The following DIAPH2 variants were observed in gnomAD, a reference collection of about 807,000 sequenced individuals.
DIAPH2 encodes the protein diaphanous related formin 2, also known as protein diaphanous homolog 2.
Under a neutral mutation model 92.7 loss-of-function variants are expected in DIAPH2, and 35 were observed. That is an observed-to-expected ratio of 0.38 (90% CI 0.29 to 0.50). DIAPH2 has a LOEUF of 0.50. Among genes scored for constraint, DIAPH2 ranks in the 20% least tolerant of loss-of-function variants. The probability of loss-of-function intolerance (pLI) is 0.94; values close to 1 mark genes in which losing one functional copy is unlikely to be tolerated. For synonymous variants in DIAPH2, 301 were observed against 280.4 expected, an observed-to-expected ratio of 1.07 and a Z score of -0.73; for missense variants, 701 against 819.5, an observed-to-expected ratio of 0.86 and a Z score of 1.77.
intron 22 of DIAPH2, among the ~76,000 whole-genome samples, chrX:97,171,001 C>T (rs1369335441): frequency 2.7e-5 from 3 of 110,502 alleles, no homozygotes; most frequent in Non-Finnish European, 5.7e-5. Flanking sequence ...CTCAGCCCCA[C>T]GAGTAGCTGG....
rs932649742 is a variant in DIAPH2, at chrX:97,381,530, T to C, written c.3010-2379T>C. 8.9e-5 allele frequency among the ~76,000 whole-genome samples: 10 copies of C among 111,999 alleles called. No homozygotes were observed. The South Asian group carries it at 1.5e-3, about 16-fold the overall frequency. ...TATGTTCCAAATATTATATGAGACA[T>C]ACTTCTACTAACAAAAGTATTCACA... On this transcript the variant is annotated intron_variant, in intron 24 of 26. Transcript: ENST00000324765.
intron 22 of DIAPH2, among the ~76,000 whole-genome samples, chrX:97,161,882 A>G (rs2067376597): frequency 9.0e-6 from 1 of 111,697 alleles, no homozygotes; most frequent in Non-Finnish European, 1.9e-5. Flanking sequence ...TGCAGTTTTT[A>G]ATCTTTAGGA....
intron 23 of DIAPH2, among the ~76,000 whole-genome samples, chrX:97,335,738 T>C (rs1251795690): frequency 8.9e-6 from 1 of 112,036 alleles, no homozygotes; most frequent in Non-Finnish European, 1.9e-5. Context: ...TCATTTAGAT[T>C]GTATTCTATG....
chrX:97,573,954 C>T (rs1164179868), intron 26 of DIAPH2, among the ~76,000 whole-genome samples: 1 of 111,558 alleles, frequency 9.0e-6, no homozygotes, highest in Non-Finnish European at 1.9e-5. Context: ...AGCCACCGTG[C>T]CCGGCCATCA....
At chrX:96,931,653 C>G (rs752073262) in intron 10 of DIAPH2, among the ~76,000 whole-genome samples, 1 of 109,261 alleles carries the variant, frequency 9.2e-6, no homozygotes, top group African/African-American at 3.3e-5. Flanking sequence ...CATGTGTGTG[C>G]GTGTGTGTGT....
intron 23 of DIAPH2, among the ~76,000 whole-genome samples, chrX:97,287,765 T>C (rs1012220688): frequency 2.9e-5 from 3 of 105,097 alleles, no homozygotes; most frequent in Non-Finnish European, 5.8e-5. Context: ...GAAACCAGCC[T>C]GGCCAACTTG....
chrX:97,115,069 T>G, intron 21 of DIAPH2, 104 bp downstream of exon 21: 2 of 784,008 alleles, frequency 2.6e-6, no homozygotes, highest in Non-Finnish European at 3.5e-6. Context: ...ATTGTATGCT[T>G]AAAAAGGGTG....
intron 1 of DIAPH2, among the ~76,000 whole-genome samples, chrX:96,713,466 T>C (rs1294733399): frequency 9.0e-6 from 1 of 111,617 alleles, no homozygotes; most frequent in Non-Finnish European, 1.9e-5. Context: ...GTGATACATT[T>C]GTTGCAGTCA....
rs191694258 is a variant in DIAPH2, at chrX:97,061,724, G to C, written c.2051-11217G>C. On this transcript the variant is annotated intron_variant, in intron 17 of 26. Transcript: ENST00000324765. ...AGCTACTCAGGAGGCTGACACAAGA[G>C]AATTGCTTGAACCCAGGAGGCAGAG... 7.5e-4 allele frequency among the ~76,000 whole-genome samples: 75 copies of C among 100,089 alleles called. 1 individual carries two copies. In the East Asian group the frequency reaches 0.023, roughly 31 times the overall value. 86.9% of individuals were successfully genotyped at this position (100,089 alleles called of 115,157 possible). A position where few individuals can be genotyped will look rare whatever the true frequency, so the allele number is the denominator to read the frequency against.
chrX:97,049,906 G>A (rs2066508241), intron 17 of DIAPH2, among the ~76,000 whole-genome samples: 1 of 111,103 alleles, frequency 9.0e-6, no homozygotes, highest in Non-Finnish European at 1.9e-5. Context: ...CAAGCACTGT[G>A]CAGGCAGCTC....
chrX:97,059,466 T>G (rs890136702), intron 17 of DIAPH2, among the ~76,000 whole-genome samples: 4 of 111,050 alleles, frequency 3.6e-5, no homozygotes, highest in Non-Finnish European at 7.5e-5. Context: ...GACCCTTGAG[T>G]AACATGGAGA....
At chrX:96,937,472 T>C in intron 11 of DIAPH2, 121 bp downstream of exon 11, 1 of 386,311 alleles carries the variant, frequency 2.6e-6, no homozygotes, top group Non-Finnish European at 4.6e-6. Flanking sequence ...CATTTATTTA[T>C]ATTAGAACCT....
intron 21 of DIAPH2, among the ~76,000 whole-genome samples, chrX:97,118,353 G>A (rs1016920039): frequency 9.0e-6 from 1 of 111,273 alleles, no homozygotes; most frequent in Non-Finnish European, 1.9e-5. Context: ...TAATGAGCCC[G>A]GTGTGGATTA....
chrX:97,186,576 AT>A (rs746082738), intron 22 of DIAPH2, among the ~76,000 whole-genome samples: 79 of 112,436 alleles, frequency 7.0e-4, no homozygotes, highest in Non-Finnish European at 1.3e-3. Context: ...TTTTAGCATG[AT>A]GATTTATAAA....
chrX:96,969,261 T>C (rs1292155827), intron 17 of DIAPH2, among the ~76,000 whole-genome samples: 2 of 111,795 alleles, frequency 1.8e-5, no homozygotes, highest in African/African-American at 6.5e-5. Context: ...TCTAAGCCTG[T>C]GAAAAATGAC....
At chrX:97,227,935 C>G (rs1238235909) in intron 22 of DIAPH2, among the ~76,000 whole-genome samples, 1 of 111,181 alleles carries the variant, frequency 9.0e-6, no homozygotes, top group African/African-American at 3.3e-5. Flanking sequence ...GGATCTTGCT[C>G]TGTCACCCAG....
chrX:97,551,038 CT>C (rs34546477), intron 26 of DIAPH2, among the ~76,000 whole-genome samples: 109 of 103,317 alleles, frequency 1.1e-3, no homozygotes, highest in African/African-American at 1.4e-3. Context: ...TTTAAAAAGA[CT>C]TTTTTTTTTT....
intron 24 of DIAPH2, among the ~76,000 whole-genome samples, chrX:97,353,878 G>A (rs1451858242): frequency 9.0e-6 from 1 of 111,223 alleles, no homozygotes; most frequent in African/African-American, 3.3e-5. Flanking sequence ...GCAGTGGTAT[G>A]ATCATAGCTC....
intron 26 of DIAPH2, among the ~76,000 whole-genome samples, chrX:97,483,206 G>C (rs2070663325): frequency 1.8e-5 from 2 of 109,735 alleles, no homozygotes; most frequent in South Asian, 8.0e-4. Context: ...TTCAGAAGGA[G>C]AAAAAGAAAA....
Sources: allele counts gnomAD v4.1 joint callset (sites outside exome capture counted in the v4.1 genomes callset), GRCh38; gene constraint gnomAD v4.1.1; transcripts MANE v1.5; gene names NCBI Gene and HGNC (gene_info 2026-07-23, HGNC 2026-07-21).